Variants in LARGE1 observed in about 807,000 individuals in gnomAD.
LARGE1 encodes the protein LARGE xylosyl- and glucuronyltransferase 1.
In LARGE1, 43 loss-of-function variants were observed where a neutral mutation model predicts 87.6. The ratio of observed to expected loss-of-function variants is 0.49; its 90% CI spans 0.38 to 0.63. LARGE1 has a LOEUF of 0.63. LARGE1 is among the 30% of genes least tolerant of loss of function. The pLI is 0.00. For synonymous variants in LARGE1, 434 were observed against 394.6 expected, an observed-to-expected ratio of 1.10 and a Z score of -1.18; for missense variants, 802 against 1,000.2, an observed-to-expected ratio of 0.80 and a Z score of 2.67.
At chr22:33,575,245 G>A (rs2078320203) in intron 5 of LARGE1, among the ~76,000 whole-genome samples, 2 of 152,182 alleles carry the variant, frequency 1.3e-5, no homozygotes, top group South Asian at 4.1e-4. Context: ...TTATTGTTCA[G>A]AAACAAGTCA....
chr22:33,406,457 C>G (rs368422363), intron 7 of LARGE1, among the ~76,000 whole-genome samples: 1 of 152,120 alleles, frequency 6.6e-6, no homozygotes, highest in African/African-American at 2.4e-5. Flanking sequence ...ACTACCACAC[C>G]GAGACAGAGT....
chr22:33,408,560 T>C (rs187819683), intron 7 of LARGE1, among the ~76,000 whole-genome samples: 225 of 152,340 alleles, frequency 1.5e-3, no homozygotes, highest in African/African-American at 4.9e-3. Flanking sequence ...TGATTCCATC[T>C]TGATCCTGAC....
At chr22:33,148,384 A>G in the LARGE1 span, among the ~76,000 whole-genome samples, 2 of 152,242 alleles carry the variant, frequency 1.3e-5, no homozygotes, top group Non-Finnish European at 2.9e-5. Context: ...CTTGAGATCC[A>G]TCCAAGTTGT....
the LARGE1 span, among the ~76,000 whole-genome samples, chr22:33,074,454 C>A: frequency 6.6e-6 from 1 of 152,110 alleles, no homozygotes; most frequent in East Asian, 1.9e-4. Flanking sequence ...GTGGGCAGAC[C>A]ACTTGAGGTC....
At chr22:33,217,953 G>GGAGT (rs1925283413) in intron 11 of LARGE1, among the ~76,000 whole-genome samples, 1 of 150,116 alleles carries the variant, frequency 6.7e-6, no homozygotes, top group Non-Finnish European at 1.5e-5. Context: ...TTTTTTAGAT[G>GGAGT]GAGTCTCACT....
chr22:33,363,184 A>G (rs1318985009), intron 9 of LARGE1, among the ~76,000 whole-genome samples: 1 of 149,886 alleles, frequency 6.7e-6, no homozygotes, highest in African/African-American at 2.5e-5. Context: ...CTACAGTAGT[A>G]TCTGCACACA....
intron 10 of LARGE1, among the ~76,000 whole-genome samples, chr22:33,318,605 G>T (rs1936410489): frequency 1.3e-5 from 2 of 152,102 alleles, no homozygotes; most frequent in African/African-American, 2.4e-5. Flanking sequence ...TGTGGGGTTG[G>T]GGGAGAGGGG....
rs148916610 is a variant in LARGE1 at position 33,719,064 on chromosome 22, C to G, written c.106+42307G>C. Reference sequence around the variant, plus strand: ...TCAGCCTCCCAAAGTGCTGGGATTACAGCCATGAGCCACCACACCCGGCTG... The same window carrying G: ...TCAGCCTCCCAAAGTGCTGGGATTAGAGCCATGAGCCACCACACCCGGCTG... On this transcript the variant is annotated intron_variant, in intron 2 of 14. Transcript: ENST00000397394. Among the ~76,000 whole-genome samples, 1,515 of 152,258 alleles carry G rather than the reference C, an allele frequency of 1.0e-2. 26 individuals carry two copies. The highest frequency in any genetic ancestry group is 0.034 in the African/African-American group (1,405 of 41,546).
At chr22:33,082,321 G>C in the LARGE1 span, among the ~76,000 whole-genome samples, 1 of 152,214 alleles carries the variant, frequency 6.6e-6, no homozygotes, top group Non-Finnish European at 1.5e-5. Context: ...CAGCAGATCT[G>C]TTCCAAGACC....
intron 2 of LARGE1, among the ~76,000 whole-genome samples, chr22:33,737,112 T>C (rs184760935): frequency 1.3e-5 from 2 of 152,308 alleles, no homozygotes; most frequent in South Asian, 2.1e-4. Context: ...CAGATTCAGA[T>C]GTGCAGCAGC....
At chr22:33,212,928 G>A (rs969436030) in intron 11 of LARGE1, among the ~76,000 whole-genome samples, 3 of 151,836 alleles carry the variant, frequency 2.0e-5, no homozygotes, top group Non-Finnish European at 4.4e-5. Flanking sequence ...TGAGGCAGGA[G>A]AATGGTGTGA....
chr22:33,796,255 T>C (rs1375373121), intron 1 of LARGE1, among the ~76,000 whole-genome samples: 2 of 152,246 alleles, frequency 1.3e-5, no homozygotes, highest in Non-Finnish European at 2.9e-5. Flanking sequence ...ATACTCAAAG[T>C]AGCTAATTTA....
At chr22:33,697,611 G>A (rs1372914857) in intron 2 of LARGE1, among the ~76,000 whole-genome samples, 9 of 138,440 alleles carry the variant, frequency 6.5e-5, no homozygotes, top group Non-Finnish European at 1.4e-4. Context: ...GCATCCTCTT[G>A]TCTGTAACTG....
At position 33,337,787 on chromosome 22, in the gene LARGE1, G is replaced by A; in HGVS notation, c.1146C>T (p.Asn382=). 1.9e-6 allele frequency: 3 copies of A among 1,614,214 alleles called. No individual in the cohort carries two copies. Among genetic ancestry groups the A allele is most frequent in the African/African-American group, 2.7e-5 (2 of 75,056 alleles). The change falls in exon 10 of 15, where the codon AAC becomes AAT. Residue 382 remains asparagine, a synonymous_variant. Coordinates refer to ENST00000397394, the MANE Select transcript of LARGE1 (RefSeq NM_133642.5). The part of the protein sequence containing the change: ...DVSDLKVIHW[N]SPKKLRVKNK... ...TCTTCACCCGGAGCTTCTTGGGGGA[G>A]TTCCAGTGAATGACCTGGCAGGGAG...
At chr22:33,824,315 A>C (rs1352110888) in intron 1 of LARGE1, among the ~76,000 whole-genome samples, 1 of 152,180 alleles carries the variant, frequency 6.6e-6, no homozygotes, top group East Asian at 1.9e-4. Flanking sequence ...AAGCCTCAGG[A>C]AACTTACAAT....
intron 5 of LARGE1, among the ~76,000 whole-genome samples, chr22:33,574,731 T>C: frequency 1.2e-5 from 1 of 84,576 alleles, no homozygotes; most frequent in African/African-American, 4.5e-5. Context: ...TGTGTGTGTG[T>C]GTGTGTAAAA....
chr22:33,383,258 T>A (rs1339514872), intron 8 of LARGE1, among the ~76,000 whole-genome samples: 1 of 152,138 alleles, frequency 6.6e-6, no homozygotes, highest in Non-Finnish European at 1.5e-5. Flanking sequence ...GAATAGGTTT[T>A]TAAAAAATGA....
chr22:33,323,451 C>T (rs770241914), intron 10 of LARGE1, among the ~76,000 whole-genome samples: 3 of 152,142 alleles, frequency 2.0e-5, no homozygotes, highest in Admixed American at 6.5e-5. Flanking sequence ...CTTCAGTGAG[C>T]GAGAAGAAGT....
the LARGE1 span, among the ~76,000 whole-genome samples, chr22:33,092,619 CT>C: frequency 2.0e-5 from 3 of 151,780 alleles, no homozygotes; most frequent in Non-Finnish European, 4.4e-5. Context: ...CTCCCTCCCC[CT>C]ACCCCACCCC....
Sources: allele counts gnomAD v4.1 joint callset (sites outside exome capture counted in the v4.1 genomes callset), GRCh38; gene constraint gnomAD v4.1.1; transcripts MANE v1.5; gene names NCBI Gene and HGNC (gene_info 2026-07-23, HGNC 2026-07-21).